Variants in RBFOX3 observed in about 807,000 individuals in gnomAD.
RBFOX3 encodes RNA binding protein fox-1 homolog 3.
In RBFOX3, 17 loss-of-function variants were observed where a neutral mutation model predicts 48.7. The ratio of observed to expected loss-of-function variants is 0.35; its 90% CI spans 0.24 to 0.52. The LOEUF (loss-of-function observed/expected upper bound fraction) is 0.52, where lower values mean the gene tolerates loss of function less well. Ranked by LOEUF, RBFOX3 falls within the 20% of genes least tolerant of loss-of-function variation. RBFOX3 has a pLI of 0.94. For missense variants in RBFOX3, 382 were observed against 497.5 expected, an observed-to-expected ratio of 0.77 and a Z score of 2.21; for synonymous variants, 212 against 209.5, an observed-to-expected ratio of 1.01 and a Z score of -0.10.
intron 2 of RBFOX3, among the ~76,000 whole-genome samples, chr17:79,439,565 T>G (rs1385349095): frequency 2.6e-5 from 4 of 152,202 alleles, no homozygotes; most frequent in African/African-American, 9.6e-5. Flanking sequence ...TTCACATACA[T>G]TTGCGTGAAC....
rs1039454680 is a variant in RBFOX3, at chr17:79,391,100, C to A, written c.-174-83276G>T. Reference sequence around the variant, plus strand: ...ACCTCGGGTCTGGTGGCCTGTAACCCCTGCCAGCCAGGCTCCCTGATACCA... The same window carrying A: ...ACCTCGGGTCTGGTGGCCTGTAACCACTGCCAGCCAGGCTCCCTGATACCA... On this transcript the variant is annotated intron_variant, in intron 2 of 14. Coordinates refer to ENST00000693108, the MANE Select transcript of RBFOX3 (RefSeq NM_001350451.2). This position sits in a 1 kb window ranked among gnomAD's most constrained non-coding sequence, Gnocchi z 5.0. Among the ~76,000 whole-genome samples, 12 of 152,198 alleles carry A rather than the reference C, an allele frequency of 7.9e-5. No homozygotes were observed. Among genetic ancestry groups the A allele is most frequent in the African/African-American group, 2.9e-4 (12 of 41,450 alleles).
intron 4 of RBFOX3, among the ~76,000 whole-genome samples, chr17:79,149,517 G>T (rs916701107): frequency 1.3e-5 from 2 of 152,176 alleles, no homozygotes; most frequent in Non-Finnish European, 2.9e-5. Context: ...GTGGGCTGTG[G>T]GGAGGAGCTT....
At chr17:79,649,089 C>T in the RBFOX3 span, among the ~76,000 whole-genome samples, 1 of 151,760 alleles carries the variant, frequency 6.6e-6, no homozygotes, top group Admixed American at 6.6e-5. Flanking sequence ...AGTGATCCTC[C>T]TGCCTCAGCC....
At chr17:79,349,832 G>A (rs571758201) in intron 2 of RBFOX3, among the ~76,000 whole-genome samples, 5 of 151,930 alleles carry the variant, frequency 3.3e-5, no homozygotes, top group South Asian at 2.1e-4. Context: ...AGGCACAGCC[G>A]TGATCACCAG....
chr17:79,661,309 TA>T, the RBFOX3 span, among the ~76,000 whole-genome samples: 29 of 149,090 alleles, frequency 1.9e-4, no homozygotes, highest in East Asian at 5.9e-4. Flanking sequence ...TAAAAAAGGT[TA>T]AAAAAAAAAG....
Position 79,477,662 on chromosome 17 carries a change from T to G in RBFOX3, c.-175+4792A>C, listed in dbSNP as rs2078134883. Among the ~76,000 whole-genome samples the G allele has an allele frequency of 6.6e-6, 1 of 152,058 alleles. No homozygotes were observed. The highest frequency in any genetic ancestry group is 1.5e-5 in the Non-Finnish European group (1 of 67,992). ...TGTCCTCTTTCTCACAGGGACATCCTCAGAGCTTGCTCTGGTGGTGAACAA... is the reference window on the plus strand; with the variant it reads ...TGTCCTCTTTCTCACAGGGACATCCGCAGAGCTTGCTCTGGTGGTGAACAA... On this transcript the variant is annotated intron_variant, in intron 2 of 14. Coordinates refer to ENST00000693108, the MANE Select transcript of RBFOX3 (RefSeq NM_001350451.2). The surrounding 1 kb of genome is among the most constrained non-coding windows in gnomAD (Gnocchi z 4.8).
chr17:79,132,818 C>T (rs1391516772), intron 4 of RBFOX3: 2 of 152,296 alleles, frequency 1.3e-5, no homozygotes, highest in Admixed American at 1.3e-4. Context: ...GAGCACCCAA[C>T]TCCTCTGAGA....
intron 2 of RBFOX3, among the ~76,000 whole-genome samples, chr17:79,324,694 G>A (rs1377690579): frequency 6.6e-6 from 1 of 152,232 alleles, no homozygotes; most frequent in Non-Finnish European, 1.5e-5. Context: ...GACCCTTGGA[G>A]TGGGGAGCCT....
At chr17:79,417,520 G>A (rs552067169) in intron 2 of RBFOX3, among the ~76,000 whole-genome samples, 1 of 152,346 alleles carries the variant, frequency 6.6e-6, no homozygotes, top group African/African-American at 2.4e-5. Context: ...ACAAGCCAAT[G>A]GGCTGCCCGA....
At chr17:79,495,716 T>C (rs1598937103) in intron 1 of RBFOX3, among the ~76,000 whole-genome samples, 1 of 49,740 alleles carries the variant, frequency 2.0e-5, no homozygotes, top group Non-Finnish European at 4.1e-5. Context: ...GGCACAGGGG[T>C]GCAGATGGAG....
At chr17:79,567,933 C>CT (rs1438786185) in intron 1 of RBFOX3, among the ~76,000 whole-genome samples, 11 of 152,218 alleles carry the variant, frequency 7.2e-5, no homozygotes, top group Non-Finnish European at 1.6e-4. Flanking sequence ...ACCTTTACCT[C>CT]TGCACTGTCT....
chr17:79,125,880 C>A (rs919166243), intron 4 of RBFOX3, among the ~76,000 whole-genome samples: 4 of 152,236 alleles, frequency 2.6e-5, no homozygotes, highest in African/African-American at 9.6e-5. Flanking sequence ...AGGCCCCATC[C>A]GCCGAGCTGT....
chr17:79,400,553 G>A (rs1480789248), intron 2 of RBFOX3, among the ~76,000 whole-genome samples: 3 of 120,006 alleles, frequency 2.5e-5, no homozygotes, highest in Non-Finnish European at 4.0e-5. Flanking sequence ...ACTTATCTTA[G>A]AGAGACACAG....
At position 79,401,939 on chromosome 17, in the gene RBFOX3, G is replaced by A. The variant is rs74000037; in HGVS notation, c.-175+80515C>T. Among the ~76,000 whole-genome samples the A allele has an allele frequency of 3.1e-3, 468 of 152,366 alleles. 6 individuals are homozygous for A. The highest frequency in any genetic ancestry group is 0.011 in the African/African-American group (450 of 41,582). On this transcript the variant is annotated intron_variant, in intron 2 of 14. Transcript: ENST00000693108. ...TGAAGCCACACAGTTGTGGTCATCC[G>A]TTCTGGTGACCACAGGAACCGCATA...
At chr17:79,618,348 G>A in the RBFOX3 span, among the ~76,000 whole-genome samples, 2 of 152,154 alleles carry the variant, frequency 1.3e-5, no homozygotes, top group South Asian at 4.1e-4. Context: ...GTCTTGAGTG[G>A]GACGTGAGCC....
At chr17:79,286,356 T>G (rs1461389041) in intron 3 of RBFOX3, among the ~76,000 whole-genome samples, 5 of 152,228 alleles carry the variant, frequency 3.3e-5, no homozygotes, top group Admixed American at 6.5e-5. Context: ...GGCTGCCATC[T>G]GCAGTTCTGC....
chr17:79,097,846 A>G (rs1181062327), intron 9 of RBFOX3, 101 bp from the exon 10 acceptor site: 1 of 1,321,548 alleles, frequency 7.6e-7, no homozygotes, highest in Non-Finnish European at 1.1e-6. Flanking sequence ...AGCCCTTGGG[A>G]ACATTCCCAG....
intron 4 of RBFOX3, among the ~76,000 whole-genome samples, chr17:79,134,047 C>T (rs1006452055): frequency 3.3e-5 from 5 of 152,212 alleles, no homozygotes; most frequent in African/African-American, 1.2e-4. Flanking sequence ...GTGCCCAGGA[C>T]ATGAGGTGGG....
intron 1 of RBFOX3, among the ~76,000 whole-genome samples, chr17:79,564,998 C>A (rs2092400532): frequency 6.8e-6 from 1 of 147,978 alleles, no homozygotes; most frequent in Non-Finnish European, 1.5e-5. Context: ...AGAGATCACA[C>A]CACTGCTCTC....
Sources: allele counts gnomAD v4.1 joint callset (sites outside exome capture counted in the v4.1 genomes callset), GRCh38; gene constraint gnomAD v4.1.1; non-coding constraint Gnocchi (gnomAD v3.1); transcripts MANE v1.5; gene names NCBI Gene and HGNC (gene_info 2026-07-23, HGNC 2026-07-21).